The following DIP2C variants were observed in gnomAD, a reference collection of about 807,000 sequenced individuals.
DIP2C encodes disco-interacting protein 2 homolog C.
DIP2C carries 33 observed loss-of-function variants against 192.4 expected under a neutral mutation model. The ratio of observed to expected loss-of-function variants is 0.17; its 90% CI spans 0.13 to 0.23. The LOEUF (loss-of-function observed/expected upper bound fraction) is 0.23, where lower values mean the gene tolerates loss of function less well. DIP2C is among the 10% of genes least tolerant of loss of function. DIP2C has a pLI of 1.00. For missense variants in DIP2C, 1,537 were observed against 2,110.1 expected, an observed-to-expected ratio of 0.73 and a Z score of 5.32; for synonymous variants, 979 against 864.1, an observed-to-expected ratio of 1.13 and a Z score of -2.33.
Position 636,742 on chromosome 10 carries a change from G to A in DIP2C, c.85+52752C>T, listed in dbSNP as rs988353478. 2.2e-4 allele frequency among the ~76,000 whole-genome samples: 33 copies of A among 152,184 alleles called. No individual in the cohort carries two copies. Among genetic ancestry groups the A allele is most frequent in the African/African-American group, 5.6e-4 (23 of 41,434 alleles). On this transcript the variant is annotated intron_variant, in intron 1 of 36. Coordinates refer to ENST00000280886, the MANE Select transcript of DIP2C (RefSeq NM_014974.3). The surrounding 1 kb of genome is among the most constrained non-coding windows in gnomAD (Gnocchi z 4.6). Reference sequence around the variant, plus strand: ...GACTTTTCGAGAGTCTGGGGCCAACGTCCTGCAGAACGTCCCCCAGATGCA... The same window carrying A: ...GACTTTTCGAGAGTCTGGGGCCAACATCCTGCAGAACGTCCCCCAGATGCA...
At chr10:369,102 T>C (rs1960653345) in intron 18 of DIP2C, among the ~76,000 whole-genome samples, 1 of 152,192 alleles carries the variant, frequency 6.6e-6, no homozygotes, top group Admixed American at 6.5e-5. Flanking sequence ...GATTTTCACA[T>C]GTGTCTGCCT....
chr10:327,088 T>C lies in DIP2C; in HGVS notation c.3842A>G (p.Lys1281Arg). Reference sequence around the variant, plus strand: ...GTGAAGGCCCAGGTCCTTAAACAGCTTTGAGAACGACTGTGTGAGTGCGAT... The same window carrying C: ...GTGAAGGCCCAGGTCCTTAAACAGCCTTGAGAACGACTGTGTGAGTGCGAT... ...PRIALTQSFS[K>R]LFKDLGLHPR... The change falls in exon 31 of 37, where the codon AAG becomes AGG. Residue 1281 changes from lysine to arginine, a missense_variant. By Grantham distance (26) the Lys-to-Arg change is conservative. Transcript: ENST00000280886. The C allele has an allele frequency of 6.2e-7, 1 of 1,614,154 alleles. No individual in the cohort carries two copies. Among genetic ancestry groups the C allele is most frequent in the East Asian group, 2.2e-5 (1 of 44,876 alleles).
At chr10:428,796 G>A (rs115997519) in intron 4 of DIP2C, among the ~76,000 whole-genome samples, 2,118 of 151,998 alleles carry the variant, frequency 0.014, 72 homozygotes, top group African/African-American at 0.048. Context: ...GGTTCTGTTC[G>A]CATTTAATTT....
rs749532880 is a variant in DIP2C, at chr10:617,018, CA to C, written c.85+72475del. ...AAGCCAGGGAGGGACTGAGATTTCACATAAAATGCGTAGCACATGGCTAAGG... is the reference window on the plus strand; with the variant it reads ...AAGCCAGGGAGGGACTGAGATTTCACTAAAATGCGTAGCACATGGCTAAGG... On this transcript the variant is annotated intron_variant, in intron 1 of 36. Coordinates refer to ENST00000280886, the MANE Select transcript of DIP2C (RefSeq NM_014974.3). Among the ~76,000 whole-genome samples the C allele has an allele frequency of 2.1e-3, 313 of 152,302 alleles. 1 individual carries two copies. Among genetic ancestry groups the C allele is most frequent in the Middle Eastern group, 0.01 (3 of 294 alleles).
At chr10:484,960 T>TG (rs1843902800) in intron 2 of DIP2C, 4 of 1,596,122 alleles carry the variant, frequency 2.5e-6, no homozygotes, top group Non-Finnish European at 3.4e-6. Context: ...TGTAACAAGT[T>TG]GAAAAAAAAC....
intron 2 of DIP2C, among the ~76,000 whole-genome samples, chr10:475,642 G>C (rs1970999020): frequency 6.6e-6 from 1 of 152,178 alleles, no homozygotes; most frequent in Non-Finnish European, 1.5e-5. Context: ...TGCAACAAAA[G>C]TCTGAAAACA....
chr10:540,229 C>T (rs758991711), intron 1 of DIP2C, among the ~76,000 whole-genome samples: 10 of 152,250 alleles, frequency 6.6e-5, no homozygotes, highest in Admixed American at 1.3e-4. Flanking sequence ...AGACACTAGA[C>T]GGTAACCGCC....
chr10:539,405 G>C (rs1439034504), intron 1 of DIP2C, among the ~76,000 whole-genome samples: 1 of 152,072 alleles, frequency 6.6e-6, no homozygotes, highest in African/African-American at 2.4e-5. Flanking sequence ...CATGGTATAG[G>C]TGTTATGAGC....
intron 1 of DIP2C, among the ~76,000 whole-genome samples, chr10:513,381 T>C (rs1846151419): frequency 6.6e-6 from 1 of 152,244 alleles, no homozygotes; most frequent in Non-Finnish European, 1.5e-5. Flanking sequence ...TTGTCGCGTG[T>C]TTCCCTCAAG....
intron 1 of DIP2C, among the ~76,000 whole-genome samples, chr10:647,479 C>T (rs547476387): frequency 6.7e-6 from 1 of 148,300 alleles, no homozygotes; most frequent in Admixed American, 6.8e-5. Context: ...ACTGAGTCCA[C>T]GTCCACATTG....
intron 1 of DIP2C, among the ~76,000 whole-genome samples, chr10:552,423 G>A (rs1480192866): frequency 6.6e-6 from 1 of 152,190 alleles, no homozygotes; most frequent in African/African-American, 2.4e-5. Context: ...TTTGGAAACA[G>A]AGAGGGAAAT....
intron 22 of DIP2C, among the ~76,000 whole-genome samples, chr10:361,666 T>G (rs1488023198): frequency 6.6e-6 from 1 of 152,144 alleles, no homozygotes; most frequent in Non-Finnish European, 1.5e-5. Flanking sequence ...GAGGATACCC[T>G]GGAGAGCGCT....
Position 415,901 on chromosome 10 carries a change from A to T in DIP2C, c.740-13T>A. 6.2e-7 allele frequency: 1 copy of T among 1,613,604 alleles called. No homozygotes were observed. Among genetic ancestry groups the T allele is most frequent in the Non-Finnish European group, 8.5e-7 (1 of 1,179,896 alleles). Reference sequence around the variant, plus strand: ...CTTACTGGTACTCCTGAAAAACAGGAATCAGCGGGTGGGGAAAGCGATCAT... The same window carrying T: ...CTTACTGGTACTCCTGAAAAACAGGTATCAGCGGGTGGGGAAAGCGATCAT... On this transcript the variant is annotated splice_polypyrimidine_tract_variant and intron_variant, in intron 6 of 36. Coordinates refer to ENST00000280886, the MANE Select transcript of DIP2C (RefSeq NM_014974.3).
intron 31 of DIP2C, among the ~76,000 whole-genome samples, chr10:316,474 A>T (rs1368942763): frequency 6.6e-6 from 1 of 152,108 alleles, no homozygotes; most frequent in Non-Finnish European, 1.5e-5. Context: ...CCTCTATTCC[A>T]CTGCCACACT....
At chr10:358,218 G>A (rs1281087029) in intron 22 of DIP2C, among the ~76,000 whole-genome samples, 1 of 151,950 alleles carries the variant, frequency 6.6e-6, no homozygotes, top group Non-Finnish European at 1.5e-5. Context: ...TGAGAGCCCC[G>A]TGTGCCGGCA....
chr10:595,514 A>G (rs1012151282), intron 1 of DIP2C, among the ~76,000 whole-genome samples: 14 of 152,230 alleles, frequency 9.2e-5, no homozygotes, highest in Non-Finnish European at 1.5e-5. Flanking sequence ...GAGACACTGA[A>G]GAACAAACAT....
At chr10:391,307 ACGAAAG>A (rs1274783115) in intron 10 of DIP2C, among the ~76,000 whole-genome samples, 4 of 62,586 alleles carry the variant, frequency 6.4e-5, no homozygotes, top group African/African-American at 2.0e-4. Context: ...GACCAAAGGC[ACGAAAG>A]GCACACCTGT....
intron 1 of DIP2C, among the ~76,000 whole-genome samples, chr10:554,220 G>A (rs916656419): frequency 1.3e-4 from 20 of 152,346 alleles, no homozygotes; most frequent in African/African-American, 4.8e-4. Flanking sequence ...GTAACTAACA[G>A]TGGCGAACAG....
At chr10:587,353 A>G (rs1015485988) in intron 1 of DIP2C, among the ~76,000 whole-genome samples, 1 of 152,254 alleles carries the variant, frequency 6.6e-6, no homozygotes, top group African/African-American at 2.4e-5. Flanking sequence ...AAACGCGGTG[A>G]TAACCGTGGC....
Sources: gnomAD v4.1 joint callset for allele counts (sites outside exome capture counted in the v4.1 genomes callset) on GRCh38, gnomAD v4.1.1 for gene constraint, Gnocchi (gnomAD v3.1) non-coding constraint, MANE v1.5 for transcripts, NCBI Gene and HGNC (gene_info 2026-07-23, HGNC 2026-07-21) for gene names.